Variants in DCAF8 observed in about 807,000 individuals in gnomAD.
DCAF8 encodes DDB1- and CUL4-associated factor 8.
In DCAF8, 20 loss-of-function variants were observed where a neutral mutation model predicts 68.0. That is an observed-to-expected ratio of 0.29 (90% CI 0.21 to 0.43). DCAF8 has a LOEUF of 0.43. Ranked by LOEUF, DCAF8 falls within the 20% of genes least tolerant of loss-of-function variation. The pLI is 1.00. For missense variants in DCAF8, 460 were observed against 771.0 expected, an observed-to-expected ratio of 0.60 and a Z score of 4.78; for synonymous variants, 230 against 276.9, an observed-to-expected ratio of 0.83 and a Z score of 1.68.
At chr1:160,247,962 A>G (rs1656407271) in intron 2 of DCAF8, among the ~76,000 whole-genome samples, 1 of 152,234 alleles carries the variant, frequency 6.6e-6, no homozygotes, top group Non-Finnish European at 1.5e-5. Context: ...TTAGGATAGG[A>G]CACAAAAAGC....
At chr1:160,230,801 G>C (rs1571086911) in intron 7 of DCAF8, among the ~76,000 whole-genome samples, 1 of 150,970 alleles carries the variant, frequency 6.6e-6, no homozygotes, top group South Asian at 2.1e-4. Context: ...ATTCAGGCTG[G>C]AGTGCAGTGG....
intron 7 of DCAF8, among the ~76,000 whole-genome samples, chr1:160,228,775 A>C (rs1044274931): frequency 1.3e-5 from 2 of 152,210 alleles, no homozygotes; most frequent in African/African-American, 4.8e-5. Context: ...TTAGGCTAGG[A>C]GTGAAAGTTA....
intron 11 of DCAF8, among the ~76,000 whole-genome samples, chr1:160,221,817 CAAAAAAAAAAAAAA>C (rs58539770): frequency 0.052 from 3,221 of 62,212 alleles, 70 homozygotes; most frequent in Middle Eastern, 0.094. Flanking sequence ...TTCTAGGTCT[CAAAAAAAAAAAAAA>C]AAAAAAAAAG....
intron 1 of DCAF8, chr1:160,262,240 G>C (rs904090783): frequency 4.0e-5 from 16 of 397,264 alleles, no homozygotes; most frequent in East Asian, 1.8e-4. Context: ...TGGGAAGCGA[G>C]GGGGGGCGCA....
At chr1:160,247,060 TA>T (rs1404117873) in intron 2 of DCAF8, among the ~76,000 whole-genome samples, 1 of 152,252 alleles carries the variant, frequency 6.6e-6, no homozygotes, top group Non-Finnish European at 1.5e-5. Flanking sequence ...AAATCCAAAC[TA>T]TCTTCTTCAC....
intron 2 of DCAF8, among the ~76,000 whole-genome samples, chr1:160,251,177 T>C (rs1274428578): frequency 4.6e-5 from 7 of 152,158 alleles, no homozygotes; most frequent in African/African-American, 1.7e-4. Flanking sequence ...TCAATTATTA[T>C]TAAGACAGAG....
intron 2 of DCAF8, among the ~76,000 whole-genome samples, chr1:160,257,225 T>C (rs1656869697): frequency 6.6e-6 from 1 of 151,576 alleles, no homozygotes; most frequent in South Asian, 2.1e-4. Context: ...TCCAAATAGG[T>C]GAGGGTAAAC....
chr1:160,222,401 G>T (rs538373589), intron 11 of DCAF8, among the ~76,000 whole-genome samples: 36 of 152,286 alleles, frequency 2.4e-4, no homozygotes, highest in Non-Finnish European at 4.9e-4. Context: ...CTCAGGACAG[G>T]ACAGAGGTTC....
At chr1:160,243,833 A>G in intron 3 of DCAF8, 127 bp downstream of exon 3, 1 of 879,182 alleles carries the variant, frequency 1.1e-6, no homozygotes, top group Non-Finnish European at 1.8e-6. Flanking sequence ...GTAGTTTCCT[A>G]AACTCAGAAC....
chr1:160,225,632 C>T lies in DCAF8; in HGVS notation c.1102G>A (p.Glu368Lys). Reference protein sequence around the residue: ...IYDQRKIDENENNGVLKKFCP... With the variant: ...IYDQRKIDENKNNGVLKKFCP... ...AACTTCTTGAGTACTCCATTGTTCT[C>T]ATTCTCATCAATTTTCCTCTGGTCA... Residue 368 changes from glutamate (E) to lysine (K), a missense_variant, in exon 8 of 14, where the codon GAG becomes AAG. By Grantham distance (56) the Glu-to-Lys change is moderately conservative (BLOSUM62 1). This residue lies in a region of DCAF8 where 170 missense variants were observed against 318.2 expected (regional missense o/e 0.53). Transcript: ENST00000368074. 1 of 1,613,774 alleles carries T rather than the reference C, an allele frequency of 6.2e-7. No individual in the cohort carries two copies. The highest frequency in any genetic ancestry group is 8.5e-7 in the Non-Finnish European group (1 of 1,179,744).
At chr1:160,236,047 T>C (rs756025477) in intron 6 of DCAF8, among the ~76,000 whole-genome samples, 32 of 151,908 alleles carry the variant, frequency 2.1e-4, no homozygotes, top group Non-Finnish European at 3.8e-4. Flanking sequence ...CCCACAATGG[T>C]TTTCAACAGC....
At chr1:160,225,881 T>C (rs1261204057) in intron 7 of DCAF8, among the ~76,000 whole-genome samples, 2 of 152,152 alleles carry the variant, frequency 1.3e-5, no homozygotes, top group African/African-American at 4.8e-5. Flanking sequence ...TCCTGCTCTG[T>C]CACCCAGGCT....
intron 7 of DCAF8, among the ~76,000 whole-genome samples, chr1:160,229,931 G>A (rs1052591262): frequency 1.3e-5 from 2 of 152,134 alleles, no homozygotes; most frequent in Non-Finnish European, 2.9e-5. Context: ...GCTGAGGCAG[G>A]AGAATCGCTT....
chr1:160,254,072 C>T (rs187415436), intron 2 of DCAF8, among the ~76,000 whole-genome samples: 3 of 152,240 alleles, frequency 2.0e-5, no homozygotes, highest in African/African-American at 4.8e-5. Flanking sequence ...GCCTGTAATC[C>T]CAACACTTTG....
chr1:160,257,451 A>G (rs1656882475), intron 2 of DCAF8, among the ~76,000 whole-genome samples: 1 of 152,218 alleles, frequency 6.6e-6, no homozygotes, highest in South Asian at 2.1e-4. Flanking sequence ...CTATCTACTG[A>G]AAGCATTTTA....
intron 3 of DCAF8, among the ~76,000 whole-genome samples, chr1:160,242,694 C>T (rs919394825): frequency 3.9e-5 from 6 of 152,118 alleles, no homozygotes; most frequent in African/African-American, 4.8e-5. Flanking sequence ...GCAGACCATA[C>T]GGAGCTCCAC....
chr1:160,252,828 C>CG (rs765296212), intron 2 of DCAF8, among the ~76,000 whole-genome samples: 3 of 152,034 alleles, frequency 2.0e-5, no homozygotes, highest in Non-Finnish European at 4.4e-5. Flanking sequence ...CTTAGTCTGG[C>CG]GCCCAGAGAA....
intron 2 of DCAF8, among the ~76,000 whole-genome samples, chr1:160,244,615 ATTCT>A (rs772435123): frequency 8.6e-5 from 13 of 150,378 alleles, no homozygotes; most frequent in Admixed American, 8.6e-4. Flanking sequence ...TATTATTATT[ATTCT>A]TTCTTTTTTT....
chr1:160,244,912 C>A (rs1006733496), intron 2 of DCAF8, among the ~76,000 whole-genome samples: 4 of 152,060 alleles, frequency 2.6e-5, no homozygotes, highest in African/African-American at 9.7e-5. Flanking sequence ...CCCAGCCCAA[C>A]TAACTTCAAA....
Sources: gnomAD v4.1 joint callset for allele counts (sites outside exome capture counted in the v4.1 genomes callset) on GRCh38, gnomAD v4.1.1 for gene constraint, gnomAD v4.1.1 regional missense constraint, MANE v1.5 for transcripts, NCBI Gene and HGNC (gene_info 2026-07-23, HGNC 2026-07-21) for gene names.